The following IGF2BP3 variants were observed in gnomAD, a reference collection of about 807,000 sequenced individuals.
IGF2BP3 encodes the protein insulin like growth factor 2 mRNA binding protein 3, also known as insulin-like growth factor 2 mRNA-binding protein 3.
A neutral mutation model predicts 73.8 loss-of-function variants in IGF2BP3; 9 were observed. The observed-to-expected ratio is 0.12, with a 90% CI of 0.07 to 0.21. The LOEUF (loss-of-function observed/expected upper bound fraction) is 0.21, where lower values mean the gene tolerates loss of function less well. Ranked by LOEUF, IGF2BP3 falls within the 10% of genes least tolerant of loss-of-function variation. The pLI is 1.00. For synonymous variants in IGF2BP3, 258 were observed against 256.7 expected, an observed-to-expected ratio of 1.01 and a Z score of -0.05; for missense variants, 542 against 714.0, an observed-to-expected ratio of 0.76 and a Z score of 2.75.
chr7:23,429,558 T>C (rs1346495860), intron 2 of IGF2BP3, among the ~76,000 whole-genome samples: 2 of 152,200 alleles, frequency 1.3e-5, no homozygotes, highest in African/African-American at 4.8e-5. Context: ...CAAAAAAGTA[T>C]AGATTGCACA....
chr7:23,452,717 GC>G (rs1246457615), intron 2 of IGF2BP3, among the ~76,000 whole-genome samples: 1 of 150,042 alleles, frequency 6.7e-6, no homozygotes, highest in Non-Finnish European at 1.5e-5. Context: ...CAGGAGAATC[GC>G]TTGAACCCAG....
intron 3 of IGF2BP3, among the ~76,000 whole-genome samples, chr7:23,387,973 G>C (rs1196882268): frequency 6.6e-6 from 1 of 152,006 alleles, no homozygotes; most frequent in Admixed American, 6.6e-5. Context: ...GTCTCGCTCT[G>C]TTGCCCAGGC....
chr7:23,431,761 C>T (rs890823096), intron 2 of IGF2BP3, among the ~76,000 whole-genome samples: 1 of 152,140 alleles, frequency 6.6e-6, no homozygotes, highest in African/African-American at 2.4e-5. Flanking sequence ...GATTCCAGGG[C>T]CCCAAAACAG....
intron 2 of IGF2BP3, among the ~76,000 whole-genome samples, chr7:23,431,639 GAAAA>G (rs373024360): frequency 6.8e-6 from 1 of 146,008 alleles, no homozygotes; most frequent in African/African-American, 2.6e-5. Context: ...AAGGAAGGGG[GAAAA>G]AAAAAAGATT....
intron 2 of IGF2BP3, among the ~76,000 whole-genome samples, chr7:23,427,960 C>T (rs927758715): frequency 1.3e-4 from 20 of 151,968 alleles, no homozygotes; most frequent in African/African-American, 4.3e-4. Context: ...GAGCTGAGAT[C>T]GCACCACTGC....
At chr7:23,442,491 G>A (rs530153789) in intron 2 of IGF2BP3, among the ~76,000 whole-genome samples, 4 of 152,004 alleles carry the variant, frequency 2.6e-5, no homozygotes, top group Non-Finnish European at 5.9e-5. Flanking sequence ...ACCGTCGCCC[G>A]GGTTCAAGCA....
intron 3 of IGF2BP3, among the ~76,000 whole-genome samples, chr7:23,399,638 A>C (rs1786595955): frequency 6.6e-6 from 1 of 152,176 alleles, no homozygotes; most frequent in South Asian, 2.1e-4. Context: ...AATTTGTTAC[A>C]GCAGCATAGG....
intron 10 of IGF2BP3, among the ~76,000 whole-genome samples, chr7:23,334,134 G>C (rs956209465): frequency 6.6e-6 from 1 of 152,084 alleles, no homozygotes. Flanking sequence ...TCAGGAGTTC[G>C]AGACCAGCTG....
intron 7 of IGF2BP3, 32 bp from the exon 8 acceptor site, chr7:23,346,094 A>G: frequency 1.3e-6 from 2 of 1,592,766 alleles, no homozygotes; most frequent in Admixed American, 1.8e-5. Flanking sequence ...TAAAATTAGA[A>G]TAAGTAAACC....
chr7:23,381,308 G>A (rs765757979), intron 3 of IGF2BP3, among the ~76,000 whole-genome samples: 1 of 152,208 alleles, frequency 6.6e-6, no homozygotes, highest in African/African-American at 2.4e-5. Flanking sequence ...TGCCCAGCGG[G>A]ACAGGAAATA....
intron 3 of IGF2BP3, among the ~76,000 whole-genome samples, chr7:23,367,197 C>G (rs1785400241): frequency 1.3e-5 from 2 of 151,978 alleles, no homozygotes; most frequent in Non-Finnish European, 2.9e-5. Flanking sequence ...AGGCTAGTCC[C>G]GAATTCCTGA....
chr7:23,430,831 T>C (rs544581316), intron 2 of IGF2BP3, among the ~76,000 whole-genome samples: 1 of 152,306 alleles, frequency 6.6e-6, no homozygotes, highest in South Asian at 2.1e-4. Flanking sequence ...TTAGGTAAAG[T>C]TGTAACACGC....
intron 5 of IGF2BP3, among the ~76,000 whole-genome samples, chr7:23,359,910 T>A (rs1178274202): frequency 6.6e-6 from 1 of 151,932 alleles, no homozygotes; most frequent in Non-Finnish European, 1.5e-5. Context: ...TTATGACTCA[T>A]ACCACAATTT....
intron 2 of IGF2BP3, among the ~76,000 whole-genome samples, chr7:23,451,056 G>C (rs1014449545): frequency 2.6e-5 from 4 of 152,148 alleles, no homozygotes; most frequent in African/African-American, 9.7e-5. Flanking sequence ...TGCAGTAGTA[G>C]TTACCAGTTT....
chr7:23,359,793 C>T (rs1442738023), intron 5 of IGF2BP3, among the ~76,000 whole-genome samples: 3 of 152,076 alleles, frequency 2.0e-5, no homozygotes, highest in Non-Finnish European at 4.4e-5. Context: ...CTTTTATCCC[C>T]AGTTCTACTG....
At chr7:23,453,483 T>A (rs1788247531) in intron 2 of IGF2BP3, among the ~76,000 whole-genome samples, 1 of 152,354 alleles carries the variant, frequency 6.6e-6, no homozygotes, top group South Asian at 2.1e-4. Flanking sequence ...GACTCCCACC[T>A]ACTAGAGACC....
chr7:23,444,320 T>A (rs1788005312), intron 2 of IGF2BP3, among the ~76,000 whole-genome samples: 1 of 152,216 alleles, frequency 6.6e-6, no homozygotes, highest in South Asian at 2.1e-4. Context: ...AAATAGGTTA[T>A]AATGTATTAT....
intron 3 of IGF2BP3, among the ~76,000 whole-genome samples, chr7:23,385,694 T>C (rs1432061885): frequency 2.0e-5 from 3 of 152,084 alleles, no homozygotes; most frequent in Non-Finnish European, 4.4e-5. Context: ...ATAAACCTCA[T>C]TTGGATTCCC....
At chr7:23,325,975 C>G (rs1784283254) in intron 10 of IGF2BP3, among the ~76,000 whole-genome samples, 1 of 152,154 alleles carries the variant, frequency 6.6e-6, no homozygotes, top group Non-Finnish European at 1.5e-5. Flanking sequence ...CATAAAAACC[C>G]TAGGCATTAC....
Sources: gnomAD v4.1 joint callset for allele counts (sites outside exome capture counted in the v4.1 genomes callset) on GRCh38, gnomAD v4.1.1 for gene constraint, MANE v1.5 for transcripts, NCBI Gene and HGNC (gene_info 2026-07-23, HGNC 2026-07-21) for gene names.